BTN2A1: variants seen among roughly 807,000 people sequenced by gnomAD.
BTN2A1 encodes butyrophilin subfamily 2 member A1.
A neutral mutation model predicts 34.5 loss-of-function variants in BTN2A1; 41 were observed. That is an observed-to-expected ratio of 1.19 (90% CI 0.93 to 1.54). BTN2A1 has a LOEUF of 1.54. Ranked by LOEUF, BTN2A1 falls within the 40% of genes most tolerant of loss-of-function variation. The pLI is 0.00. For missense variants in BTN2A1, 642 were observed against 662.0 expected (o/e 0.97, Z 0.33); for synonymous variants, 267 against 258.6 (o/e 1.03, Z -0.31).
At chr6:26,464,247 T>C (rs1185081247) in intron 4 of BTN2A1, among the ~76,000 whole-genome samples, 1 of 152,192 alleles carries the variant, frequency 6.6e-6, no homozygotes, top group Non-Finnish European at 1.5e-5. Flanking sequence ...AAATTCCCTA[T>C]AGACACACAC....
rs902893676 is a variant in BTN2A1, at chr6:26,466,233, A to G, written c.982+145A>G. On this transcript the variant is annotated intron_variant, in intron 7 of 7. Coordinates refer to ENST00000312541, the MANE Select transcript of BTN2A1 (RefSeq NM_007049.5). Reference sequence around the variant, plus strand: ...TCAGTTCATCAACAGTGTCCCAGCAATGATGCATCATGTCTCTTCTGTCAG... The same window carrying G: ...TCAGTTCATCAACAGTGTCCCAGCAGTGATGCATCATGTCTCTTCTGTCAG... The G allele has an allele frequency of 1.1e-4, 132 of 1,201,136 alleles. No individual in the cohort carries two copies. In the African/African-American group the frequency reaches 1.8e-3, roughly 16 times the overall value. 74.4% of individuals were successfully genotyped at this position (1,201,136 alleles called of 1,614,324 possible).
chr6:26,472,787 G>C (rs1339104208), downstream of BTN2A1, among the ~76,000 whole-genome samples: 1 of 152,136 alleles, frequency 6.6e-6, no homozygotes, highest in Non-Finnish European at 1.5e-5. Context: ...GGGCTGAGAA[G>C]AATTTTATCA....
At position 26,459,567 on chromosome 6, in the gene BTN2A1, A is replaced by G. The variant is rs1329456000; in HGVS notation, c.169A>G (p.Lys57Glu). ...TTLRCHLSPE[K>E]NAEDMEVRWF... is the part of the protein sequence containing the mutation. ...GTTACGCTGCCATCTGTCACCCGAG[A>G]AAAATGCTGAGGACATGGAGGTGCG... Residue 57 changes from lysine (K) to glutamate (E), a missense_variant, in exon 3 of 8, where the codon AAA becomes GAA. By Grantham distance (56) the Lys-to-Glu change is moderately conservative. Transcript: ENST00000312541. 1.2e-6 allele frequency: 2 copies of G among 1,613,930 alleles called. No individual in the cohort carries two copies. The highest frequency in any genetic ancestry group is 2.7e-5 in the African/African-American group (2 of 74,886).
chr6:26,468,332 A>C lies in BTN2A1; in HGVS notation c.1367A>C (p.Tyr456Ser). Residue 456 changes from tyrosine to serine, a missense_variant, in exon 8 of 8, where the codon TAT becomes TCT. Coordinates refer to ENST00000312541, the MANE Select transcript of BTN2A1 (RefSeq NM_007049.5). Reference sequence around the variant, plus strand: ...TGCCGGGTGGGCGTCTTCCTGGACTATGAAGCTGGAGATGTCTCCTTCTAC... The same window carrying C: ...TGCCGGGTGGGCGTCTTCCTGGACTCTGAAGCTGGAGATGTCTCCTTCTAC... ...SLCRVGVFLD[Y>S]EAGDVSFYNM... 1 of 1,614,162 alleles carries C rather than the reference A, an allele frequency of 6.2e-7. No individual in the cohort carries two copies. Among genetic ancestry groups the C allele is most frequent in the Non-Finnish European group, 8.5e-7 (1 of 1,180,034 alleles).
At chr6:26,466,324 A>G (rs972443124) in intron 7 of BTN2A1, among the ~76,000 whole-genome samples, 1 of 152,210 alleles carries the variant, frequency 6.6e-6, no homozygotes, top group Non-Finnish European at 1.5e-5. Context: ...TTTTGGAGTA[A>G]TTTAATGCAT....
downstream of BTN2A1, among the ~76,000 whole-genome samples, chr6:26,473,258 A>G (rs1433208517): frequency 2.0e-5 from 3 of 152,176 alleles, no homozygotes; most frequent in Admixed American, 1.3e-4. Flanking sequence ...CCTTACAAAG[A>G]CATCCCCCAC....
rs1208488586 is a variant in BTN2A1 at position 26,469,179 on chromosome 6, A to G, written c.*630A>G. ...CCTGGGATGAAGATGAATGAAGAAC[A>G]TGGATGCACGTGGATGTAGTTTGGC... On this transcript the variant is annotated 3_prime_UTR_variant, in exon 8 of 8. Transcript: ENST00000312541. 1 of 1,054,800 alleles carries G rather than the reference A, an allele frequency of 9.5e-7. No homozygotes were observed. The highest frequency in any genetic ancestry group is 1.7e-5 in the African/African-American group (1 of 59,734). 65.3% of individuals were successfully genotyped at this position (1,054,800 alleles called of 1,614,324 possible).
At chr6:26,462,276 G>A (rs1763186010) in intron 3 of BTN2A1, among the ~76,000 whole-genome samples, 1 of 152,108 alleles carries the variant, frequency 6.6e-6, no homozygotes, top group African/African-American at 2.4e-5. Context: ...TAGGATTTTT[G>A]GTGATGATCT....
rs757726145 is a variant in BTN2A1, at chr6:26,458,681, C to T, written c.45C>T (p.Leu15=). The T allele has an allele frequency of 1.9e-6, 3 of 1,612,626 alleles. No homozygotes were observed. Among genetic ancestry groups the T allele is most frequent in the African/African-American group, 1.3e-5 (1 of 74,892 alleles). Residue 15 remains leucine, a synonymous_variant, in exon 2 of 8, where the codon CTC becomes CTT. Coordinates refer to ENST00000312541, the MANE Select transcript of BTN2A1 (RefSeq NM_007049.5). ...AALHFSRPAS[L]LLLLLSLCAL... is the part of the protein sequence containing the mutation. ...TGCACTTCTCCCGGCCAGCCTCCCT[C>T]CTCCTCCTCCTCCTCAGCCTGTGTG...
chr6:26,468,907 T>A lies in BTN2A1; in HGVS notation c.*358T>A. ...GTATTCCAGTTGGCACCAGAAGATA[T>A]GGACTTGGAATGAGGCCTACAGGGT... is the stretch of plus-strand genomic sequence containing the variant. On this transcript the variant is annotated 3_prime_UTR_variant, in exon 8 of 8. Coordinates refer to ENST00000312541, the MANE Select transcript of BTN2A1 (RefSeq NM_007049.5). 2 of 1,316,386 alleles carry A rather than the reference T, an allele frequency of 1.5e-6. No homozygotes were observed. Among genetic ancestry groups the A allele is most frequent in the South Asian group, 2.7e-5 (2 of 74,620 alleles). The allele number at this position is 1,316,386 out of a possible 1,614,324, so 81.5% of individuals were successfully genotyped here. A position where few individuals can be genotyped will look rare whatever the true frequency, so the allele number is the denominator to read the frequency against.
chr6:26,468,644 C>T lies in BTN2A1; in HGVS notation c.*95C>T. 4 of 1,613,990 alleles carry T rather than the reference C, an allele frequency of 2.5e-6. No homozygotes were observed. Among genetic ancestry groups the T allele is most frequent in the South Asian group, 1.1e-5 (1 of 90,866 alleles). The stretch of plus-strand genomic sequence containing the variant: ...CTGGTGGAAGACACGCCCTCCTCCC[C>T]TCTGGTCACACAAGAGAACATCTTC... On this transcript the variant is annotated 3_prime_UTR_variant, in exon 8 of 8. Coordinates refer to ENST00000312541, the MANE Select transcript of BTN2A1 (RefSeq NM_007049.5).
In BTN2A1 at chr6:26,459,797, C is replaced by T. The variant is rs751274196; in HGVS notation, c.399C>T (p.Tyr133=). The T allele has an allele frequency of 5.6e-6, 9 of 1,613,856 alleles. No homozygotes were observed. Among genetic ancestry groups the T allele is most frequent in the South Asian group, 5.5e-5 (5 of 91,080 alleles). ...GTTACTTCCAAGAAGGCAGGTCCTA[C>T]GATGAGGCCATCCTGCACCTCGTAG... ...YRCYFQEGRS[Y]DEAILHLVVA... The change falls in exon 3 of 8, where the codon TAC becomes TAT. Residue 133 remains tyrosine, a synonymous_variant. Transcript: ENST00000312541.
chr6:26,461,839 A>G (rs146093705), intron 3 of BTN2A1, among the ~76,000 whole-genome samples: 2,840 of 151,178 alleles, frequency 0.019, 36 homozygotes, highest in Non-Finnish European at 0.034. Context: ...AACATGGCAA[A>G]ATCCAGTCTC....
intron 7 of BTN2A1, among the ~76,000 whole-genome samples, chr6:26,474,768 T>A (rs1763509933): frequency 6.6e-6 from 1 of 151,478 alleles, no homozygotes; most frequent in Non-Finnish European, 1.5e-5. Flanking sequence ...TTTTTTTTTT[T>A]TTTGTCAGAG....
At position 26,465,145 on chromosome 6, in the gene BTN2A1, C is replaced by G. The variant is rs2113862249; in HGVS notation, c.713-40C>G. 2.6e-6 allele frequency: 4 copies of G among 1,567,358 alleles called. No homozygotes were observed. The East Asian group carries it at 9.0e-5, about 35-fold the overall frequency. On this transcript the variant is annotated intron_variant, in intron 4 of 7. Transcript: ENST00000312541. Reference sequence around the variant, plus strand: ...TAGGGGCACTCTTACCCCAGATGTTCTGTTTCAAACTAAGTGGATATTTCT... The same window carrying G: ...TAGGGGCACTCTTACCCCAGATGTTGTGTTTCAAACTAAGTGGATATTTCT...
chr6:26,469,069 C>T lies in BTN2A1; in HGVS notation c.*520C>T. 8.8e-7 allele frequency: 1 copy of T among 1,138,416 alleles called. No homozygotes were observed. The highest frequency in any genetic ancestry group is 2.0e-5 in the South Asian group (1 of 50,132). The allele number at this position is 1,138,416 out of a possible 1,614,324, so 70.5% of individuals were successfully genotyped here. On this transcript the variant is annotated 3_prime_UTR_variant, in exon 8 of 8. Transcript: ENST00000312541. ...AGGTTGTAAGGGTGGCTAAGTCCCA[C>T]CATAACAGCTAAGGGGACCTGGGAG...
intron 3 of BTN2A1, among the ~76,000 whole-genome samples, chr6:26,460,349 T>A (rs1229563460): frequency 6.6e-6 from 1 of 152,158 alleles, no homozygotes; most frequent in African/African-American, 2.4e-5. Context: ...TGATAAATAT[T>A]AATCTTTACT....
At chr6:26,459,948 T>C in intron 3 of BTN2A1, 120 bp downstream of exon 3, 1 of 90,244 alleles carries the variant, frequency 1.1e-5, no homozygotes, top group Non-Finnish European at 2.0e-5. Flanking sequence ...TTTTCCACTC[T>C]CCCTGTGGAA....
exon 8 of BTN2A1, chr6:26,476,590 T>C: frequency 3.7e-6 from 1 of 268,304 alleles, no homozygotes; most frequent in Admixed American, 4.3e-5. Flanking sequence ...GGCACTCATA[T>C]CTGGCTGAGA....
Sources: gnomAD v4.1 joint callset for allele counts (sites outside exome capture counted in the v4.1 genomes callset) on GRCh38, gnomAD v4.1.1 for gene constraint, MANE v1.5 for transcripts, NCBI Gene and HGNC (gene_info 2026-07-23, HGNC 2026-07-21) for gene names.